The following PHEX variants were observed in gnomAD, a reference collection of about 807,000 sequenced individuals.
PHEX encodes the protein phosphate-regulating neutral endopeptidase PHEX.
In PHEX, 16 loss-of-function variants were observed where a neutral mutation model predicts 68.0. The ratio of observed to expected loss-of-function variants is 0.24; its 90% confidence interval spans 0.16 to 0.36. PHEX has a LOEUF of 0.36. PHEX is among the 10% of genes least tolerant of loss of function. The pLI, the probability that PHEX is intolerant of heterozygous loss-of-function variation, is 1.00. For synonymous variants in PHEX, 208 were observed against 205.1 expected (o/e 1.01, Z -0.12); for missense variants, 480 against 575.5 (o/e 0.83, Z 1.70).
At chrX:22,220,708 G>T (rs770370927) in intron 17 of PHEX, among the ~76,000 whole-genome samples, 34 of 112,212 alleles carry the variant, frequency 3.0e-4, no homozygotes, top group African/African-American at 1.0e-3. Context: ...TGGTTGGTTA[G>T]TGGGTAGAGG....
chrX:22,107,004 G>A (rs1315851858), intron 9 of PHEX, among the ~76,000 whole-genome samples: 2 of 111,158 alleles, frequency 1.8e-5, no homozygotes, highest in Non-Finnish European at 3.8e-5. Flanking sequence ...GGCCTGGGGT[G>A]GCCTAGGCAT....
At position 22,040,177 on chromosome X, in the gene PHEX, A is replaced by G. The variant is rs757889877; in HGVS notation, c.187+1640A>G. 3.5e-3 allele frequency among the ~76,000 whole-genome samples: 393 copies of G among 111,973 alleles called. 2 individuals are homozygous for G. The highest frequency in any genetic ancestry group is 6.3e-3 in the Non-Finnish European group (337 of 53,126). On this transcript the variant is annotated intron_variant, in intron 2 of 21. Coordinates refer to ENST00000379374, the MANE Select transcript of PHEX (RefSeq NM_000444.6). ...CAGGGACACTTTTTTCCTTTTTCCA[A>G]AAGGAAAGTCATCAAACAAGCATGT...
chrX:22,099,385 G>T, intron 9 of PHEX: 1 of 393,778 alleles, frequency 2.5e-6, no homozygotes. Context: ...TCTCCATGCT[G>T]TTCTCTTTGA....
At chrX:22,130,248 A>G (rs564836297) in intron 11 of PHEX, among the ~76,000 whole-genome samples, 2 of 111,587 alleles carry the variant, frequency 1.8e-5, no homozygotes, top group South Asian at 7.6e-4. Context: ...ATGAGTCCCT[A>G]AAGACTTAGG....
At chrX:22,055,631 G>A (rs745703773) in intron 3 of PHEX, among the ~76,000 whole-genome samples, 155 of 110,911 alleles carry the variant, frequency 1.4e-3, no homozygotes, top group African/African-American at 4.8e-3. Flanking sequence ...GCACGATCTC[G>A]GCTCACCGCA....
intron 3 of PHEX, among the ~76,000 whole-genome samples, chrX:22,074,946 G>A (rs1438867192): frequency 9.1e-6 from 1 of 109,630 alleles, no homozygotes; most frequent in Non-Finnish European, 1.9e-5. Context: ...GTGTGGTGGT[G>A]TGCACCTGTA....
intron 9 of PHEX, among the ~76,000 whole-genome samples, chrX:22,105,523 A>G (rs1177199235): frequency 8.9e-6 from 1 of 112,016 alleles, no homozygotes; most frequent in Non-Finnish European, 1.9e-5. Flanking sequence ...ACTGCCTTAC[A>G]TAAGCCTCTA....
At chrX:22,240,543 A>T (rs1423633897) in intron 20 of PHEX, among the ~76,000 whole-genome samples, 1 of 109,184 alleles carries the variant, frequency 9.2e-6, no homozygotes, top group East Asian at 2.8e-4. Context: ...ATGGAGGAAG[A>T]TCTACCAAGC....
At chrX:22,122,930 C>G (rs1021546913) in intron 11 of PHEX, among the ~76,000 whole-genome samples, 6 of 108,263 alleles carry the variant, frequency 5.5e-5, no homozygotes, top group Non-Finnish European at 1.1e-4. Flanking sequence ...TTTTGTTGGC[C>G]AAAGCAAGTC....
At chrX:22,037,100 G>GAA (rs1556011745) in intron 1 of PHEX, among the ~76,000 whole-genome samples, 2,448 of 84,120 alleles carry the variant, frequency 0.029, 121 homozygotes, top group African/African-American at 0.1. Flanking sequence ...CTCTTGTCTC[G>GAA]AAAAAAAAAA....
chrX:22,185,636 A>G (rs1441870915), intron 14 of PHEX, among the ~76,000 whole-genome samples: 1 of 111,021 alleles, frequency 9.0e-6, no homozygotes, highest in East Asian at 2.8e-4. Context: ...TCAGCATTCC[A>G]TTTATCTATT....
At chrX:22,215,265 A>G (rs1935051584) in intron 16 of PHEX, among the ~76,000 whole-genome samples, 1 of 111,610 alleles carries the variant, frequency 9.0e-6, no homozygotes, top group Admixed American at 9.5e-5. Context: ...TCATCCACTT[A>G]ATGAATAGCT....
intron 5 of PHEX, among the ~76,000 whole-genome samples, chrX:22,088,476 T>A (rs961118599): frequency 4.5e-5 from 5 of 111,544 alleles, no homozygotes; most frequent in Admixed American, 3.8e-4. Flanking sequence ...CCAGCAGTTG[T>A]CAGATTTTTT....
chrX:22,095,449 A>G (rs1378764708), intron 7 of PHEX, among the ~76,000 whole-genome samples: 2 of 112,412 alleles, frequency 1.8e-5, no homozygotes, highest in Non-Finnish European at 3.8e-5. Context: ...GAATTGTCAA[A>G]AGGCTAAATG....
At chrX:22,216,519 ATTTATTTATTTATTTAT>A (rs1300031714) in intron 16 of PHEX, among the ~76,000 whole-genome samples, 5 of 107,190 alleles carry the variant, frequency 4.7e-5, no homozygotes, top group African/African-American at 1.7e-4. Context: ...TTATTTATTT[ATTTATTTATTTATTTAT>A]GAGACAGAGT....
chrX:22,046,201 G>C (rs1306499646), intron 2 of PHEX, among the ~76,000 whole-genome samples: 1 of 112,013 alleles, frequency 8.9e-6, no homozygotes, highest in African/African-American at 3.2e-5. Flanking sequence ...TTGTCCTCCA[G>C]GAGGCTGCTT....
chrX:22,069,149 AAT>A (rs1928769009), intron 3 of PHEX, among the ~76,000 whole-genome samples: 1 of 111,748 alleles, frequency 8.9e-6, no homozygotes, highest in African/African-American at 3.3e-5. Flanking sequence ...AGGGAGAAAA[AAT>A]ATAAATAATT....
At position 22,114,447 on chromosome X, in the gene PHEX, A is replaced by G. The variant is rs1043671891; in HGVS notation, c.1174-11A>G. On this transcript the variant is annotated splice_polypyrimidine_tract_variant and intron_variant, in intron 10 of 21. Transcript: ENST00000379374. ...AAATGAAGTTTAATCTGGATCAATT[A>G]TCTCCCACAGGTAATCCAGGGGACC... The G allele has an allele frequency of 3.3e-6, 4 of 1,202,881 alleles. No homozygotes were observed. In the Admixed American group the frequency reaches 6.6e-5, roughly 20 times the overall value.
chrX:22,187,037 C>T (rs1471980825), intron 14 of PHEX, among the ~76,000 whole-genome samples: 1 of 112,064 alleles, frequency 8.9e-6, no homozygotes, highest in Non-Finnish European at 1.9e-5. Flanking sequence ...ATGTTGGGTT[C>T]TTTGGATAGT....
Sources: gnomAD v4.1 joint callset for allele counts (sites outside exome capture counted in the v4.1 genomes callset) on GRCh38, gnomAD v4.1.1 for gene constraint, MANE v1.5 for transcripts, NCBI Gene and HGNC (gene_info 2026-07-23, HGNC 2026-07-21) for gene names.